PKHD1: variants seen among roughly 807,000 people sequenced by gnomAD.
PKHD1 encodes fibrocystin.
A neutral mutation model predicts 412.0 loss-of-function variants in PKHD1; 291 were observed. The ratio of observed to expected loss-of-function variants is 0.71; its 90% CI spans 0.64 to 0.78. The LOEUF is 0.78. Among genes scored for constraint, PKHD1 ranks in the 30% least tolerant of loss-of-function variants. The pLI, the probability that PKHD1 is intolerant of heterozygous loss-of-function variation, is 0.00. For missense variants in PKHD1, 4,825 were observed against 4,950.7 expected, an observed-to-expected ratio of 0.97 and a Z score of 0.76; for synonymous variants, 1,777 against 1,821.5, an observed-to-expected ratio of 0.98 and a Z score of 0.62.
chr6:52,056,489 C>T (rs532609963), intron 18 of PKHD1, among the ~76,000 whole-genome samples: 1 of 152,130 alleles, frequency 6.6e-6, no homozygotes, highest in East Asian at 1.9e-4. Context: ...AGGAGGAATG[C>T]CTTTCCTTTC....
At chr6:52,038,693 AACTAAT>A (rs1804341433) in intron 27 of PKHD1, among the ~76,000 whole-genome samples, 1 of 152,182 alleles carries the variant, frequency 6.6e-6, no homozygotes, top group Non-Finnish European at 1.5e-5. Flanking sequence ...AGCCCTAACA[AACTAAT>A]ACAGACCCCT....
chr6:51,649,271 C>A, intron 61 of PKHD1, 51 bp from the exon 62 acceptor site: 1 of 1,403,112 alleles, frequency 7.1e-7, no homozygotes, highest in South Asian at 1.2e-5. Context: ...ACACATATCC[C>A]TATGGTAGCA....
intron 13 of PKHD1, among the ~76,000 whole-genome samples, chr6:52,064,669 A>G (rs1022844587): frequency 8.6e-5 from 13 of 151,980 alleles, no homozygotes; most frequent in African/African-American, 3.1e-4. Flanking sequence ...TCCAGTAGCT[A>G]TAACAATATC....
chr6:52,039,788 G>A (rs1022238373), intron 27 of PKHD1, among the ~76,000 whole-genome samples: 2 of 152,064 alleles, frequency 1.3e-5, no homozygotes, highest in Non-Finnish European at 2.9e-5. Flanking sequence ...ATATATTCCT[G>A]CAAATCATTG....
At position 52,010,479 on chromosome 6, in the gene PKHD1, T is replaced by TA; in HGVS notation, c.5601-21dup. Reference sequence around the variant, plus strand: ...TTAGGGCTGAAACGAGAGGGGAGGTTAAATGGGGTGTCATCAATCTTAATG... The same window carrying TA: ...TTAGGGCTGAAACGAGAGGGGAGGTTAAAATGGGGTGTCATCAATCTTAATG... On this transcript the variant is annotated intron_variant, in intron 34 of 66. Transcript: ENST00000371117. 6.5e-7 allele frequency: 1 copy of TA among 1,527,486 alleles called. No individual in the cohort carries two copies. Among genetic ancestry groups the TA allele is most frequent in the Non-Finnish European group, 9.1e-7 (1 of 1,101,100 alleles). 94.6% of individuals were successfully genotyped at this position (1,527,486 alleles called of 1,614,324 possible). A position where few individuals can be genotyped will look rare whatever the true frequency, so the allele number is the denominator to read the frequency against.
chr6:51,993,097 T>C (rs142470207), intron 35 of PKHD1, among the ~76,000 whole-genome samples: 162 of 152,354 alleles, frequency 1.1e-3, no homozygotes, highest in African/African-American at 3.8e-3. Context: ...TTAATAAACA[T>C]GGTATCTTCC....
At position 51,727,859 on chromosome 6, in the gene PKHD1, G is replaced by A. The variant is rs554290039; in HGVS notation, c.10156+16526C>T. 4.6e-5 allele frequency among the ~76,000 whole-genome samples: 7 copies of A among 152,264 alleles called. No homozygotes were observed. In the South Asian group the frequency reaches 1.4e-3, roughly 32 times the overall value. ...CATCTGCCAATCTGTCACTTTTAGGGAGGCAATGTGATAATTGCCAAACCA... is the reference window on the plus strand; with the variant it reads ...CATCTGCCAATCTGTCACTTTTAGGAAGGCAATGTGATAATTGCCAAACCA... On this transcript the variant is annotated intron_variant, in intron 60 of 66. Coordinates refer to ENST00000371117, the MANE Select transcript of PKHD1 (RefSeq NM_138694.4).
intron 55 of PKHD1, 96 bp from the exon 56 acceptor site, chr6:51,755,034 C>T (rs1582480812): frequency 2.0e-6 from 2 of 998,978 alleles, no homozygotes; most frequent in South Asian, 1.3e-5. Context: ...CTGTGACCAA[C>T]ATATCCCACC....
chr6:51,940,823 G>A (rs539992100), intron 36 of PKHD1, among the ~76,000 whole-genome samples: 2 of 151,484 alleles, frequency 1.3e-5, no homozygotes, highest in Admixed American at 1.3e-4. Context: ...AACTGTTGTG[G>A]GTATTGACGG....
chr6:51,738,589 T>G (rs142070274), intron 60 of PKHD1, among the ~76,000 whole-genome samples: 211 of 152,326 alleles, frequency 1.4e-3, no homozygotes, highest in African/African-American at 4.9e-3. Context: ...CATTTTACTA[T>G]GTGTAAGAGT....
intron 35 of PKHD1, among the ~76,000 whole-genome samples, chr6:51,992,771 C>G (rs1018298877): frequency 6.6e-6 from 1 of 152,230 alleles, no homozygotes; most frequent in African/African-American, 2.4e-5. Flanking sequence ...TTATCAGACA[C>G]ATTAATAAAT....
chr6:51,843,291 T>C (rs1484175245), intron 50 of PKHD1, among the ~76,000 whole-genome samples: 1 of 152,192 alleles, frequency 6.6e-6, no homozygotes, highest in Non-Finnish European at 1.5e-5. Flanking sequence ...TCAGCAGATG[T>C]AGCCAGTAGC....
intron 35 of PKHD1, among the ~76,000 whole-genome samples, chr6:52,001,143 A>G (rs1798334055): frequency 6.6e-6 from 1 of 152,182 alleles, no homozygotes; most frequent in South Asian, 2.1e-4. Context: ...TACTTTTGGC[A>G]TGAAATATAA....
At chr6:51,909,584 TATTTC>T (rs1782658468) in intron 39 of PKHD1, 110 bp from the exon 40 acceptor site, 1 of 790,394 alleles carries the variant, frequency 1.3e-6, no homozygotes. Flanking sequence ...CATTACTGTT[TATTTC>T]ATTTAATAAT....
intron 24 of PKHD1, among the ~76,000 whole-genome samples, chr6:52,045,407 T>A (rs547919055): frequency 6.6e-6 from 1 of 152,308 alleles, no homozygotes; most frequent in South Asian, 2.1e-4. Flanking sequence ...AATATTAAAA[T>A]AAAGTGGAAA....
At chr6:51,769,796 T>C (rs1051098319) in intron 55 of PKHD1, among the ~76,000 whole-genome samples, 2 of 151,684 alleles carry the variant, frequency 1.3e-5, no homozygotes, top group Middle Eastern at 4.5e-3. Context: ...AAGTATTTAA[T>C]GTGATGACAT....
At chr6:51,753,808 A>G (rs1359405442) in intron 56 of PKHD1, among the ~76,000 whole-genome samples, 1 of 152,180 alleles carries the variant, frequency 6.6e-6, no homozygotes, top group Non-Finnish European at 1.5e-5. Context: ...AAGGAAAGCG[A>G]GAAGCAGCAC....
chr6:51,629,145 T>C (rs1216891923), intron 65 of PKHD1, among the ~76,000 whole-genome samples: 2 of 152,092 alleles, frequency 1.3e-5, no homozygotes, highest in African/African-American at 4.8e-5. Flanking sequence ...AATCTGGACA[T>C]AGGCCTTGGC....
At position 52,080,094 on chromosome 6, in the gene PKHD1, C is replaced by A. The variant is rs115548833; in HGVS notation, c.282-86G>T. ...CCCACTTGCCACTTCAAATTTCCTC[C>A]TTGCACTTTTAAAACAGAGCTAACC... On this transcript the variant is annotated intron_variant, in intron 4 of 66. Transcript: ENST00000371117. 114 of 809,328 alleles carry A rather than the reference C, an allele frequency of 1.4e-4. No individual in the cohort carries two copies. In the African/African-American group the frequency reaches 1.8e-3, roughly 13 times the overall value. The allele number at this position is 809,328 out of a possible 1,614,324, so 50.1% of individuals were successfully genotyped here.
Sources: gnomAD v4.1 joint callset for allele counts (sites outside exome capture counted in the v4.1 genomes callset) on GRCh38, gnomAD v4.1.1 for gene constraint, MANE v1.5 for transcripts, NCBI Gene and HGNC (gene_info 2026-07-23, HGNC 2026-07-21) for gene names.